The following DNAAF9 variants were observed in gnomAD, a reference collection of about 807,000 sequenced individuals.
DNAAF9 encodes the protein dynein axonemal assembly factor 9, also known as shulin.
DNAAF9 carries 90 observed loss-of-function variants against 167.0 expected under a neutral mutation model. The observed-to-expected ratio is 0.54, with a 90% CI of 0.45 to 0.64. The LOEUF is 0.64. Among genes scored for constraint, DNAAF9 ranks in the 30% least tolerant of loss-of-function variants. DNAAF9 has a pLI of 0.00. For missense variants in DNAAF9, 1,315 were observed against 1,442.2 expected (o/e 0.91, Z 1.43); for synonymous variants, 491 against 508.8 (o/e 0.96, Z 0.47).
intron 6 of DNAAF9, among the ~76,000 whole-genome samples, chr20:3,370,151 T>C (rs1236619885): frequency 2.0e-5 from 3 of 152,220 alleles, no homozygotes; most frequent in East Asian, 1.9e-4. Context: ...CCTTATATTC[T>C]ACATGCCAAA....
intron 14 of DNAAF9, among the ~76,000 whole-genome samples, chr20:3,324,462 C>G (rs1353785798): frequency 6.6e-6 from 1 of 151,902 alleles, no homozygotes; most frequent in Admixed American, 6.6e-5. Context: ...GATGCAGACC[C>G]CAGGACACGG....
chr20:3,400,274 C>A (rs1037055961), intron 1 of DNAAF9, among the ~76,000 whole-genome samples: 1 of 151,932 alleles, frequency 6.6e-6, no homozygotes, highest in African/African-American at 2.4e-5. Flanking sequence ...GAGTTGGATC[C>A]TGGAACAGAA....
At chr20:3,356,359 T>C (rs552434871) in intron 7 of DNAAF9, among the ~76,000 whole-genome samples, 1 of 152,286 alleles carries the variant, frequency 6.6e-6, no homozygotes, top group Admixed American at 6.5e-5. Context: ...ATCTGAACTT[T>C]TAAATAGCTC....
At chr20:3,343,249 G>A (rs891483771) in intron 9 of DNAAF9, among the ~76,000 whole-genome samples, 8 of 151,996 alleles carry the variant, frequency 5.3e-5, no homozygotes, top group African/African-American at 1.7e-4. Context: ...TGCAACCTCC[G>A]CCTCCTGGGT....
chr20:3,259,004 C>A (rs2068331333), intron 33 of DNAAF9, among the ~76,000 whole-genome samples: 1 of 152,214 alleles, frequency 6.6e-6, no homozygotes, highest in Non-Finnish European at 1.5e-5. Flanking sequence ...GATGCCCACT[C>A]CAGGACAGCA....
At chr20:3,287,923 T>C in intron 26 of DNAAF9, 133 bp from the exon 27 acceptor site, 1 of 797,728 alleles carries the variant, frequency 1.3e-6, no homozygotes, top group Non-Finnish European at 2.0e-6. Flanking sequence ...GAGAAAGCCA[T>C]CTTGGCCTCA....
intron 22 of DNAAF9, among the ~76,000 whole-genome samples, chr20:3,297,350 A>T (rs1313006743): frequency 6.6e-6 from 1 of 152,164 alleles, no homozygotes; most frequent in Non-Finnish European, 1.5e-5. Context: ...GGACAAGCAC[A>T]AGGAGGTAAA....
At chr20:3,293,666 CAAAAAAAAA>C (rs71195830) in intron 25 of DNAAF9, among the ~76,000 whole-genome samples, 2 of 85,598 alleles carry the variant, frequency 2.3e-5, no homozygotes, top group African/African-American at 8.4e-5. Flanking sequence ...GCCTGGGTGA[CAAAAAAAAA>C]AAAAAAAAAA....
chr20:3,256,279 G>A lies in DNAAF9; in HGVS notation c.3056-68C>T, dbSNP rs1568559476. On this transcript the variant is annotated intron_variant, in intron 33 of 36. Transcript: ENST00000252032. The stretch of plus-strand genomic sequence containing the variant: ...AAGGATACAGCTATGCTAAGACTGT[G>A]ACAATGCAGATGGTTGGGATAGATT... 9 of 1,089,508 alleles carry A rather than the reference G, an allele frequency of 8.3e-6. No individual in the cohort carries two copies. In the East Asian group the frequency reaches 2.1e-4, roughly 26 times the overall value. The allele number at this position is 1,089,508 out of a possible 1,614,324, so 67.5% of individuals were successfully genotyped here.
At chr20:3,312,481 CCTT>C (rs1237160247) in intron 20 of DNAAF9, among the ~76,000 whole-genome samples, 1 of 151,808 alleles carries the variant, frequency 6.6e-6, no homozygotes, top group Non-Finnish European at 1.5e-5. Context: ...CGAGTTTTCA[CCTT>C]CTATGGGACT....
chr20:3,347,720 C>T (rs1229367764), intron 8 of DNAAF9, among the ~76,000 whole-genome samples: 2 of 151,978 alleles, frequency 1.3e-5, no homozygotes, highest in Non-Finnish European at 2.9e-5. Context: ...ATCAGGAGTT[C>T]GAGACCAGCC....
chr20:3,373,960 GTGT>G lies in DNAAF9; in HGVS notation c.612+85_612+87del, dbSNP rs2083543240. On this transcript the variant is annotated intron_variant, in intron 6 of 36. Transcript: ENST00000252032. Reference sequence around the variant, plus strand: ...TTGTGAGGTAACTGCCAGCTTTTTGGTGTTATAATAATGCACACTCACATGGGT... The same window carrying G: ...TTGTGAGGTAACTGCCAGCTTTTTGGTATAATAATGCACACTCACATGGGT... The G allele has an allele frequency of 1.3e-5, 10 of 784,144 alleles. No individual in the cohort carries two copies. The East Asian group carries it at 2.5e-4, about 20-fold the overall frequency. The allele number at this position is 784,144 out of a possible 1,614,324, so 48.6% of individuals were successfully genotyped here. A position where few individuals can be genotyped will look rare whatever the true frequency, so the allele number is the denominator to read the frequency against.
chr20:3,276,456 G>T (rs1426835737), intron 29 of DNAAF9, among the ~76,000 whole-genome samples: 1 of 152,220 alleles, frequency 6.6e-6, no homozygotes, highest in Non-Finnish European at 1.5e-5. Flanking sequence ...AACACACATT[G>T]TCTTTGCACA....
chr20:3,334,133 GA>G (rs1434230987), intron 10 of DNAAF9, among the ~76,000 whole-genome samples: 1 of 152,152 alleles, frequency 6.6e-6, no homozygotes, highest in Non-Finnish European at 1.5e-5. Flanking sequence ...TATATATCCA[GA>G]TAATCTTACC....
At chr20:3,273,760 C>T (rs1310438950) in intron 29 of DNAAF9, among the ~76,000 whole-genome samples, 1 of 152,170 alleles carries the variant, frequency 6.6e-6, no homozygotes, top group Non-Finnish European at 1.5e-5. Flanking sequence ...TAATTTATAT[C>T]AGAAGTGTTC....
chr20:3,254,611 A>G (rs1471994339), intron 35 of DNAAF9, among the ~76,000 whole-genome samples: 1 of 152,162 alleles, frequency 6.6e-6, no homozygotes, highest in Non-Finnish European at 1.5e-5. Flanking sequence ...GGGCCTCCTC[A>G]AATCCAAAGC....
At chr20:3,301,220 C>G (rs1293146378) in intron 21 of DNAAF9, among the ~76,000 whole-genome samples, 2 of 149,790 alleles carry the variant, frequency 1.3e-5, no homozygotes, top group Non-Finnish European at 3.0e-5. Context: ...GGAGTTTCAC[C>G]CTTGGTACCT....
intron 22 of DNAAF9, among the ~76,000 whole-genome samples, chr20:3,297,820 T>TG (rs2069108216): frequency 6.6e-6 from 1 of 152,184 alleles, no homozygotes; most frequent in Non-Finnish European, 1.5e-5. Context: ...AAAACCCTCT[T>TG]GTTCAGTTTC....
intron 1 of DNAAF9, among the ~76,000 whole-genome samples, chr20:3,405,161 A>G (rs1373245926): frequency 2.0e-5 from 3 of 152,246 alleles, no homozygotes; most frequent in Non-Finnish European, 4.4e-5. Flanking sequence ...CTCAAGAGAC[A>G]GAAACCAAAA....
Sources: allele counts gnomAD v4.1 joint callset (sites outside exome capture counted in the v4.1 genomes callset), GRCh38; gene constraint gnomAD v4.1.1; transcripts MANE v1.5; gene names NCBI Gene and HGNC (gene_info 2026-07-23, HGNC 2026-07-21).